Variants in ARIH2 observed in about 807,000 individuals in gnomAD.
ARIH2 encodes E3 ubiquitin-protein ligase ARIH2.
In ARIH2, 12 loss-of-function variants were observed where a neutral mutation model predicts 79.8. That is an observed-to-expected ratio of 0.15 (90% confidence interval 0.10 to 0.24). ARIH2 has a LOEUF of 0.24. Among genes scored for constraint, ARIH2 ranks in the 10% least tolerant of loss-of-function variants. The probability of loss-of-function intolerance (pLI) is 1.00; values close to 1 mark genes in which losing one functional copy is unlikely to be tolerated. For missense variants in ARIH2, 301 were observed against 618.3 expected (o/e 0.49, Z 5.44); for synonymous variants, 224 against 213.9 (o/e 1.05, Z -0.41).
intron 3 of ARIH2, among the ~76,000 whole-genome samples, chr3:48,931,992 G>C (rs1396941256): frequency 1.3e-5 from 2 of 152,198 alleles, no homozygotes; most frequent in Admixed American, 1.3e-4. Context: ...CTGGGTGACA[G>C]AGCAAGACTC....
chr3:48,973,298 CTG>C (rs2092338530), intron 8 of ARIH2, among the ~76,000 whole-genome samples: 1 of 152,064 alleles, frequency 6.6e-6, no homozygotes, highest in South Asian at 2.1e-4. Flanking sequence ...AAAAATTAGA[CTG>C]GGCGCGGTGG....
At chr3:48,962,672 C>A (rs1326636856) in intron 4 of ARIH2, among the ~76,000 whole-genome samples, 2 of 152,148 alleles carry the variant, frequency 1.3e-5, no homozygotes, top group African/African-American at 4.8e-5. Flanking sequence ...GGGGCCTGAT[C>A]TGTGAATTGT....
rs146957052 is a variant in ARIH2, at chr3:48,952,587, C to G, written c.256-9025C>G. 4.4e-4 allele frequency among the ~76,000 whole-genome samples: 67 copies of G among 152,104 alleles called. 1 individual carries two copies. The highest frequency in any genetic ancestry group is 1.6e-3 in the African/African-American group (67 of 41,464). Reference sequence around the variant, plus strand: ...ATGGGAGTGCTGAGGAGAGGAAGAACTAGAGATTGGACACTGGAGTGGTGA... The same window carrying G: ...ATGGGAGTGCTGAGGAGAGGAAGAAGTAGAGATTGGACACTGGAGTGGTGA... On this transcript the variant is annotated intron_variant, in intron 3 of 15. Transcript: ENST00000356401.
In ARIH2 at chr3:48,975,178, A is replaced by G. The variant is rs569707203; in HGVS notation, c.961+199A>G. 7 of 782,088 alleles carry G rather than the reference A, an allele frequency of 9.0e-6. No individual in the cohort carries two copies. In the East Asian group the frequency reaches 1.3e-4, roughly 15 times the overall value. The allele number at this position is 782,088 out of a possible 1,614,324, so 48.4% of individuals were successfully genotyped here. ...TGGTCCCTCTTATAATCCCACTGCT[A>G]TCTTGCTAACACATATAGTCAGAAG... On this transcript the variant is annotated intron_variant, in intron 11 of 15. Transcript: ENST00000356401.
At chr3:48,964,056 A>C (rs2091538828) in intron 4 of ARIH2, among the ~76,000 whole-genome samples, 1 of 151,730 alleles carries the variant, frequency 6.6e-6, no homozygotes. Flanking sequence ...TTAAAGACAG[A>C]GTCTTGCTCT....
chr3:48,978,224 C>T (rs2092606607), intron 11 of ARIH2, among the ~76,000 whole-genome samples: 1 of 150,900 alleles, frequency 6.6e-6, no homozygotes, highest in African/African-American at 2.4e-5. Context: ...ATTCTTTGAG[C>T]ATCTAACAAT....
chr3:48,926,228 G>T (rs1203551523), intron 2 of ARIH2, among the ~76,000 whole-genome samples: 5 of 151,562 alleles, frequency 3.3e-5, no homozygotes, highest in Non-Finnish European at 7.4e-5. Flanking sequence ...TCTTTTTTGA[G>T]ATGGAGTTTC....
rs140399236 is a variant in ARIH2, at chr3:48,981,991, C to T, written c.1326+263C>T. On this transcript the variant is annotated intron_variant, in intron 14 of 15. Coordinates refer to ENST00000356401, the MANE Select transcript of ARIH2 (RefSeq NM_006321.4). ...GGCGATTGGCTAAAAAGGTCTGTGG[C>T]CAGTGGGAGGCCAGTAGTGCCCATG... Among the ~76,000 whole-genome samples the T allele has an allele frequency of 8.3e-4, 126 of 152,310 alleles. No individual in the cohort carries two copies. In the Middle Eastern group the frequency reaches 0.01, roughly 12 times the overall value.
intron 8 of ARIH2, chr3:48,973,466 A>G (rs1052586271): frequency 5.9e-6 from 2 of 341,080 alleles, no homozygotes; most frequent in Non-Finnish European, 1.1e-5. Context: ...AGTCCCAACT[A>G]CTCGGGAGGT....
At chr3:48,931,833 A>C (rs1275226276) in intron 3 of ARIH2, among the ~76,000 whole-genome samples, 2 of 151,874 alleles carry the variant, frequency 1.3e-5, no homozygotes, top group African/African-American at 4.8e-5. Flanking sequence ...ACAGTGAAAA[A>C]CCTGTCTTTA....
intron 1 of ARIH2, chr3:48,921,699 A>G (rs1159427039): frequency 6.6e-6 from 1 of 151,850 alleles, no homozygotes; most frequent in Non-Finnish European, 1.5e-5. Flanking sequence ...CTCCCAAACC[A>G]AAGTGCTGGG....
At chr3:48,939,302 G>A (rs2087674712) in intron 3 of ARIH2, among the ~76,000 whole-genome samples, 1 of 151,910 alleles carries the variant, frequency 6.6e-6, no homozygotes, top group Non-Finnish European at 1.5e-5. Flanking sequence ...AGAGAAATAG[G>A]ACCCTTAGAG....
intron 11 of ARIH2, among the ~76,000 whole-genome samples, chr3:48,978,483 A>ATATATT (rs1288556209): frequency 1.7e-4 from 7 of 40,442 alleles, no homozygotes; most frequent in Admixed American, 3.7e-4. Context: ...ATATATATAT[A>ATATATT]TTTTTTTTTT....
chr3:48,951,918 T>C (rs1268382853), intron 3 of ARIH2, among the ~76,000 whole-genome samples: 1 of 152,116 alleles, frequency 6.6e-6, no homozygotes, highest in African/African-American at 2.4e-5. Flanking sequence ...CTCTTTTTAA[T>C]TGTTACTATT....
chr3:48,944,497 T>A (rs2088828263), intron 3 of ARIH2, among the ~76,000 whole-genome samples: 1 of 152,148 alleles, frequency 6.6e-6, no homozygotes, highest in Non-Finnish European at 1.5e-5. Context: ...TAAAAACATA[T>A]ATAACATTTG....
At chr3:48,940,336 A>G (rs1384193776) in intron 3 of ARIH2, among the ~76,000 whole-genome samples, 1 of 151,130 alleles carries the variant, frequency 6.6e-6, no homozygotes, top group Non-Finnish European at 1.5e-5. Flanking sequence ...TAAAAAAGAT[A>G]GATAGATAGA....
At position 48,967,636 on chromosome 3, in the gene ARIH2, T is replaced by C. The variant is rs192005201; in HGVS notation, c.538+361T>C. Among the ~76,000 whole-genome samples the C allele has an allele frequency of 2.7e-4, 41 of 152,256 alleles. No individual in the cohort carries two copies. In the East Asian group the frequency reaches 5.6e-3, roughly 21 times the overall value. ...TTAGGTAACATAGCACAAATCAAAT[T>C]TGATGATTAGTTACAGAAGTATTTG... On this transcript the variant is annotated intron_variant, in intron 6 of 15. Transcript: ENST00000356401.
rs201387991 is a variant in ARIH2 at position 48,960,800 on chromosome 3, A to G, written c.256-812A>G. On this transcript the variant is annotated intron_variant, in intron 3 of 15. Coordinates refer to ENST00000356401, the MANE Select transcript of ARIH2 (RefSeq NM_006321.4). ...TCTTTCTATGTTAATAAACTTCTCA[A>G]TCTTTTAAAATAACCATGTAGTAGT... is the stretch of plus-strand genomic sequence containing the variant. Among the ~76,000 whole-genome samples, 66 of 152,120 alleles carry G rather than the reference A, an allele frequency of 4.3e-4. No individual in the cohort carries two copies. In the East Asian group the frequency reaches 6.4e-3, roughly 15 times the overall value.
intron 8 of ARIH2, among the ~76,000 whole-genome samples, chr3:48,972,498 G>A (rs978855848): frequency 1.3e-5 from 2 of 152,080 alleles, no homozygotes; most frequent in Admixed American, 1.3e-4. Flanking sequence ...ACAAAAATTA[G>A]CCAGGAATAG....
Sources: gnomAD v4.1 joint callset for allele counts (sites outside exome capture counted in the v4.1 genomes callset) on GRCh38, gnomAD v4.1.1 for gene constraint, MANE v1.5 for transcripts, NCBI Gene and HGNC (gene_info 2026-07-23, HGNC 2026-07-21) for gene names.